The following KCNQ1 variants were observed in gnomAD, a reference collection of about 807,000 sequenced individuals.
The protein encoded by KCNQ1 is potassium voltage-gated channel subfamily Q member 1, also known as potassium voltage-gated channel subfamily KQT member 1.
In KCNQ1, 49 loss-of-function variants were observed where a neutral mutation model predicts 72.4. The ratio of observed to expected loss-of-function variants is 0.68; its 90% CI spans 0.54 to 0.86. KCNQ1 has a LOEUF of 0.86. Among genes scored for constraint, KCNQ1 ranks in the 40% least tolerant of loss-of-function variants. KCNQ1 has a pLI of 0.00. For synonymous variants in KCNQ1, 450 were observed against 412.6 expected (o/e 1.09, Z -1.10); for missense variants, 790 against 945.1 (o/e 0.84, Z 2.15).
At chr11:2,625,244 T>C (rs1849244316) in intron 10 of KCNQ1, 1 of 398,540 alleles carries the variant, frequency 2.5e-6, no homozygotes, top group Non-Finnish European at 4.4e-6. Flanking sequence ...GCAGTGGTTA[T>C]TTTCTGTTTA....
intron 10 of KCNQ1, among the ~76,000 whole-genome samples, chr11:2,596,575 T>A (rs1272549883): frequency 6.7e-6 from 1 of 149,958 alleles, no homozygotes; most frequent in African/African-American, 2.5e-5. Flanking sequence ...TTATGGTGAG[T>A]GAAAGAAGCC....
chr11:2,591,551 C>T (rs893151183), intron 10 of KCNQ1, among the ~76,000 whole-genome samples: 94 of 152,224 alleles, frequency 6.2e-4, no homozygotes, highest in Non-Finnish European at 2.2e-4. Context: ...CGCATGCTAA[C>T]GGGCAGGTGG....
rs532665081 is a variant in KCNQ1 at position 2,767,548 on chromosome 11, G to A, written c.1515-1296G>A. Among the ~76,000 whole-genome samples, 15 of 152,242 alleles carry A rather than the reference G, an allele frequency of 9.9e-5. No homozygotes were observed. In the South Asian group the frequency reaches 2.5e-3, roughly 25 times the overall value. ...TTCGTGTATAAAATTGTAGATGCTC[G>A]AGGGTATTATCTCCCTACAGATAAT... is the stretch of plus-strand genomic sequence containing the variant. On this transcript the variant is annotated intron_variant, in intron 11 of 15. Transcript: ENST00000155840. The surrounding 1 kb of genome is among the most constrained non-coding windows in gnomAD (Gnocchi z 4.6).
chr11:2,587,942 G>A (rs1848618266), intron 9 of KCNQ1, among the ~76,000 whole-genome samples: 1 of 152,202 alleles, frequency 6.6e-6, no homozygotes, highest in African/African-American at 2.4e-5. Flanking sequence ...CAGAGATAGA[G>A]CTCTGGGAGC....
At position 2,613,539 on chromosome 11, in the gene KCNQ1, T is replaced by C. The variant is rs562874854; in HGVS notation, c.1393+24685T>C. 9 of 398,450 alleles carry C rather than the reference T, an allele frequency of 2.3e-5. No individual in the cohort carries two copies. The highest frequency in any genetic ancestry group is 1.6e-4 in the African/African-American group (8 of 48,726). The allele number at this position is 398,450 out of a possible 1,614,324, so 24.7% of individuals were successfully genotyped here. A position where few individuals can be genotyped will look rare whatever the true frequency, so the allele number is the denominator to read the frequency against. ...GAGATGGCAGCCCCACGTTAAATCA[T>C]AACCCTGCTATTCTTAGGAAGGCTT... On this transcript the variant is annotated intron_variant, in intron 10 of 15. Coordinates refer to ENST00000155840, the MANE Select transcript of KCNQ1 (RefSeq NM_000218.3). This position sits in a 1 kb window ranked among gnomAD's most constrained non-coding sequence, Gnocchi z 4.8.
chr11:2,463,893 C>A lies in KCNQ1; in HGVS notation c.386+18409C>A, dbSNP rs2133585971. 6.6e-6 allele frequency among the ~76,000 whole-genome samples: 1 copy of A among 152,346 alleles called. No homozygotes were observed. Among genetic ancestry groups the A allele is most frequent in the African/African-American group, 2.4e-5 (1 of 41,572 alleles). ...GCGGGGACTTGTTTGGCTGATGGAT[C>A]AGGGGGAAGGTTCTCCCCACGGTGT... On this transcript the variant is annotated intron_variant, in intron 1 of 15. Coordinates refer to ENST00000155840, the MANE Select transcript of KCNQ1 (RefSeq NM_000218.3). The surrounding 1 kb of genome is among the most constrained non-coding windows in gnomAD (Gnocchi z 7.0).
chr11:2,736,152 C>T, intron 11 of KCNQ1, among the ~76,000 whole-genome samples: 1 of 152,152 alleles, frequency 6.6e-6, no homozygotes, highest in East Asian at 1.9e-4. Flanking sequence ...GGGAAGGGGC[C>T]CAGGCTTCCT....
intron 10 of KCNQ1, among the ~76,000 whole-genome samples, chr11:2,597,869 T>C (rs544045875): frequency 1.3e-5 from 2 of 152,382 alleles, no homozygotes; most frequent in African/African-American, 4.8e-5. Flanking sequence ...TGCCACTTGG[T>C]AGCAACTGAT....
chr11:2,717,094 C>G (rs1027907768), intron 11 of KCNQ1, among the ~76,000 whole-genome samples: 1 of 152,226 alleles, frequency 6.6e-6, no homozygotes, highest in African/African-American at 2.4e-5. Flanking sequence ...GGCCGGGGCT[C>G]TGCTCAGGGA....
chr11:2,547,480 C>T lies in KCNQ1; in HGVS notation c.477+19462C>T, dbSNP rs1246721665. Among the ~76,000 whole-genome samples, 3 of 152,186 alleles carry T rather than the reference C, an allele frequency of 2.0e-5. No homozygotes were observed. The highest frequency in any genetic ancestry group is 1.9e-4 in the East Asian group (1 of 5,174). On this transcript the variant is annotated intron_variant, in intron 2 of 15. Transcript: ENST00000155840. This position sits in a 1 kb window ranked among gnomAD's most constrained non-coding sequence, Gnocchi z 4.2. ...AACTCCTGACCTCAAGTCATCTGCCCGCCTCAGCCTCCCAAAGTGCTGGGA... is the reference window on the plus strand; with the variant it reads ...AACTCCTGACCTCAAGTCATCTGCCTGCCTCAGCCTCCCAAAGTGCTGGGA...
intron 11 of KCNQ1, among the ~76,000 whole-genome samples, chr11:2,731,669 G>T (rs1261550798): frequency 6.6e-6 from 1 of 152,220 alleles, no homozygotes; most frequent in Non-Finnish European, 1.5e-5. Context: ...ACCCCCAGCA[G>T]CGCACACAGG....
In KCNQ1 at chr11:2,509,869, GA is replaced by G. The variant is rs1248527223; in HGVS notation, c.387-18056del. Reference sequence around the variant, plus strand: ...GGTGGCGTGATGCAGCCTGGCTTGGGAAATGCCCATGGAGGTGACAAGTGAC... The same window carrying G: ...GGTGGCGTGATGCAGCCTGGCTTGGGAATGCCCATGGAGGTGACAAGTGAC... On this transcript the variant is annotated intron_variant, in intron 1 of 15. Coordinates refer to ENST00000155840, the MANE Select transcript of KCNQ1 (RefSeq NM_000218.3). The surrounding 1 kb of genome is among the most constrained non-coding windows in gnomAD (Gnocchi z 6.3). Among the ~76,000 whole-genome samples the G allele has an allele frequency of 2.0e-5, 3 of 152,184 alleles. No homozygotes were observed. The highest frequency in any genetic ancestry group is 2.9e-5 in the Non-Finnish European group (2 of 68,036).
intron 1 of KCNQ1, chr11:2,461,523 T>C: frequency 7.5e-7 from 1 of 1,336,428 alleles, no homozygotes; most frequent in Non-Finnish European, 9.9e-7. Context: ...CATGTGTGTG[T>C]CTGGAGTGTA....
chr11:2,693,859 A>C (rs888179659), intron 11 of KCNQ1: 3 of 398,714 alleles, frequency 7.5e-6, no homozygotes, highest in East Asian at 7.1e-5. Context: ...TTGCCCTCCC[A>C]TCCAGGCCTG....
intron 11 of KCNQ1, chr11:2,688,839 T>C: frequency 2.5e-6 from 1 of 398,852 alleles, no homozygotes; most frequent in Non-Finnish European, 4.4e-6. Flanking sequence ...GAGATGGCAC[T>C]CCAGGTGGAG....
chr11:2,698,785 T>TC lies in KCNQ1; in HGVS notation c.1514+36708dup. The TC allele has an allele frequency of 2.5e-6, 1 of 398,400 alleles. No homozygotes were observed. The highest frequency in any genetic ancestry group is 4.4e-6 in the Non-Finnish European group (1 of 226,082). The allele number at this position is 398,400 out of a possible 1,614,324, so 24.7% of individuals were successfully genotyped here. A position where few individuals can be genotyped will look rare whatever the true frequency, so the allele number is the denominator to read the frequency against. On this transcript the variant is annotated intron_variant, in intron 11 of 15. Transcript: ENST00000155840. The surrounding 1 kb of genome is among the most constrained non-coding windows in gnomAD (Gnocchi z 5.1). ...TGCAGACTCCAGACCGGGATTCAGGTCCCCAACTCAGACTCCCGATCCTCT... is the reference window on the plus strand; with the variant it reads ...TGCAGACTCCAGACCGGGATTCAGGTCCCCCAACTCAGACTCCCGATCCTCT...
In KCNQ1 at chr11:2,509,197, T is replaced by A. The variant is rs1355294034; in HGVS notation, c.387-18731T>A. ...GAGCAACTATCTCAAGGCTTTTATT[T>A]GCTGTTTCATGAAACTGAAAATTTA... On this transcript the variant is annotated intron_variant, in intron 1 of 15. Coordinates refer to ENST00000155840, the MANE Select transcript of KCNQ1 (RefSeq NM_000218.3). The surrounding 1 kb of genome is among the most constrained non-coding windows in gnomAD (Gnocchi z 6.3). Among the ~76,000 whole-genome samples the A allele has an allele frequency of 1.3e-5, 2 of 152,256 alleles. No individual in the cohort carries two copies. Among genetic ancestry groups the A allele is most frequent in the African/African-American group, 4.8e-5 (2 of 41,466 alleles).
rs1849861911 is a variant in KCNQ1, at chr11:2,656,988, T to C, written c.1394-4973T>C. ...ACATTTGATTGAAAAGTCCATGCTC[T>C]TCCCAGGATGTGCAGGCCACCTCTG... On this transcript the variant is annotated intron_variant, in intron 10 of 15. Coordinates refer to ENST00000155840, the MANE Select transcript of KCNQ1 (RefSeq NM_000218.3). 10 of 398,512 alleles carry C rather than the reference T, an allele frequency of 2.5e-5. No individual in the cohort carries two copies. The East Asian group carries it at 3.6e-4, about 14-fold the overall frequency. The allele number at this position is 398,512 out of a possible 1,614,324, so 24.7% of individuals were successfully genotyped here. A position where few individuals can be genotyped will look rare whatever the true frequency, so the allele number is the denominator to read the frequency against.
chr11:2,760,491 C>T (rs768237138), intron 11 of KCNQ1, among the ~76,000 whole-genome samples: 7 of 152,212 alleles, frequency 4.6e-5, no homozygotes, highest in Admixed American at 3.9e-4. Flanking sequence ...AGCTGACCCA[C>T]GGCCAAGCCC....
Sources: allele counts gnomAD v4.1 joint callset (sites outside exome capture counted in the v4.1 genomes callset), GRCh38; gene constraint gnomAD v4.1.1; non-coding constraint Gnocchi (gnomAD v3.1); transcripts MANE v1.5; gene names NCBI Gene and HGNC (gene_info 2026-07-23, HGNC 2026-07-21).